The following PGM5 variants were observed in gnomAD, a reference collection of about 807,000 sequenced individuals.
PGM5 encodes the protein phosphoglucomutase-like protein 5.
In PGM5, 23 loss-of-function variants were observed where a neutral mutation model predicts 59.2. The ratio of observed to expected loss-of-function variants is 0.39; its 90% confidence interval spans 0.28 to 0.55. The LOEUF is 0.55. Among genes scored for constraint, PGM5 ranks in the 20% least tolerant of loss-of-function variants. The pLI is 0.66. For synonymous variants in PGM5, 214 were observed against 286.0 expected (o/e 0.75, Z 2.54); for missense variants, 574 against 748.3 (o/e 0.77, Z 2.72).
At chr9:68,493,640 C>T (rs983981762) in intron 9 of PGM5, among the ~76,000 whole-genome samples, 3 of 152,172 alleles carry the variant, frequency 2.0e-5, no homozygotes, top group Non-Finnish European at 4.4e-5. Flanking sequence ...ATAAGCTAGG[C>T]TGTATTATTT....
chr9:68,433,336 C>A (rs1197239132), intron 6 of PGM5, among the ~76,000 whole-genome samples: 2 of 152,186 alleles, frequency 1.3e-5, no homozygotes, highest in Non-Finnish European at 2.9e-5. Flanking sequence ...GAGCCTTTAC[C>A]TTTACAAATT....
At chr9:68,469,885 T>A (rs1823994406) in intron 7 of PGM5, among the ~76,000 whole-genome samples, 1 of 152,236 alleles carries the variant, frequency 6.6e-6, no homozygotes, top group Non-Finnish European at 1.5e-5. Context: ...TTATTAGTAG[T>A]TATCTTTTTG....
At chr9:68,439,775 C>A (rs1211532026) in intron 6 of PGM5, among the ~76,000 whole-genome samples, 1 of 150,498 alleles carries the variant, frequency 6.6e-6, no homozygotes, top group Non-Finnish European at 1.5e-5. Context: ...TAAATAAAGC[C>A]CCAACTTTAT....
At chr9:68,438,271 A>G in intron 6 of PGM5, among the ~76,000 whole-genome samples, 1 of 140,842 alleles carries the variant, frequency 7.1e-6, no homozygotes. Context: ...CCTGGGCGAC[A>G]GAGGGAGACT....
chr9:68,412,294 C>G (rs782517749), intron 6 of PGM5, among the ~76,000 whole-genome samples: 43 of 152,256 alleles, frequency 2.8e-4, no homozygotes, highest in Non-Finnish European at 3.5e-4. Context: ...TGCTGAATTG[C>G]TTATTGAAGA....
intron 6 of PGM5, among the ~76,000 whole-genome samples, chr9:68,394,665 G>A (rs1822453072): frequency 6.6e-6 from 1 of 151,482 alleles, no homozygotes; most frequent in Non-Finnish European, 1.5e-5. Context: ...CTGTTGCCCA[G>A]GCTGGAGTGC....
intron 3 of PGM5, among the ~76,000 whole-genome samples, chr9:68,385,284 G>C (rs1390151910): frequency 3.3e-5 from 5 of 152,118 alleles, no homozygotes; most frequent in African/African-American, 1.2e-4. Flanking sequence ...GCATAGAATA[G>C]CAATAGATCT....
chr9:68,427,250 G>C (rs887592925), intron 6 of PGM5, among the ~76,000 whole-genome samples: 4 of 152,182 alleles, frequency 2.6e-5, no homozygotes, highest in Non-Finnish European at 5.9e-5. Flanking sequence ...TGCAGGGAAG[G>C]CCCTTGCTAT....
chr9:68,376,819 T>TTCTTTATTTC (rs1554677764), intron 1 of PGM5, among the ~76,000 whole-genome samples: 1 of 90,704 alleles, frequency 1.1e-5, no homozygotes, highest in Admixed American at 1.2e-4. Flanking sequence ...CTTTCTTTCT[T>TTCTTTATTTC]TCTTTCTTTC....
intron 9 of PGM5, 33 bp downstream of exon 9, chr9:68,484,081 C>G: frequency 6.3e-7 from 1 of 1,591,652 alleles, no homozygotes; most frequent in East Asian, 2.2e-5. Flanking sequence ...AACGGGTTAT[C>G]AGGCAGAACC....
chr9:68,368,753 C>A (rs1258606594), intron 1 of PGM5, among the ~76,000 whole-genome samples: 24 of 152,134 alleles, frequency 1.6e-4, no homozygotes, highest in Non-Finnish European at 2.9e-4. Context: ...GTGGATCCTC[C>A]CACCTCAGCT....
At chr9:68,406,149 C>T (rs1223865868) in intron 6 of PGM5, 1 of 152,170 alleles carries the variant, frequency 6.6e-6, no homozygotes, top group Non-Finnish European at 1.5e-5. Context: ...TGCATTCAGA[C>T]TACCTGGGGT....
Position 68,486,445 on chromosome 9 carries a change from C to G in PGM5, c.1479+2397C>G, listed in dbSNP as rs1460992618. 2.0e-5 allele frequency among the ~76,000 whole-genome samples: 3 copies of G among 152,180 alleles called. No individual in the cohort carries two copies. The East Asian group carries it at 5.8e-4, about 29-fold the overall frequency. On this transcript the variant is annotated intron_variant, in intron 9 of 10. Transcript: ENST00000396396. ...CTGTCATCTTCCTCCCAACATCCCT[C>G]CAACCCACAGCCCCTGGCAACCCCT...
In PGM5 at chr9:68,393,641, T is replaced by C. The variant is rs542364010; in HGVS notation, c.1043+1168T>C. ...CATGTTCCTGTAGTCCCACACCAAA[T>C]GTTGATTAGGATAGGAAGCAACCAG... On this transcript the variant is annotated intron_variant, in intron 6 of 10. Transcript: ENST00000396396. 1.8e-3 allele frequency among the ~76,000 whole-genome samples: 277 copies of C among 152,148 alleles called. 2 individuals are homozygous for C. The highest frequency in any genetic ancestry group is 6.3e-3 in the African/African-American group (263 of 41,522).
chr9:68,425,571 A>G (rs1399373609), intron 6 of PGM5, among the ~76,000 whole-genome samples: 1 of 152,228 alleles, frequency 6.6e-6, no homozygotes, highest in Non-Finnish European at 1.5e-5. Context: ...TTTGGATCAA[A>G]TCCTATCCTA....
intron 2 of PGM5, among the ~76,000 whole-genome samples, chr9:68,382,577 A>T (rs1194915862): frequency 5.3e-5 from 8 of 151,908 alleles, no homozygotes; most frequent in Admixed American, 4.6e-4. Flanking sequence ...ATGCACTTTA[A>T]AATCTCTGGG....
rs139921375 is a variant in PGM5, at chr9:68,530,036, A to G, written c.*380A>G. On this transcript the variant is annotated 3_prime_UTR_variant, in exon 11 of 11. Transcript: ENST00000396396. ...CAAGAGAGAACAGTGCCAGAATGAA[A>G]CTGACCCTAAGTCCCAGGTGCCCCT... The G allele has an allele frequency of 3.1e-3, 530 of 168,552 alleles. 4 individuals carry two copies. The highest frequency in any genetic ancestry group is 0.012 in the African/African-American group (487 of 41,670). The allele number at this position is 168,552 out of a possible 1,614,324, so 10.4% of individuals were successfully genotyped here.
chr9:68,376,829 CTTTCTCT>C (rs1464033867), intron 1 of PGM5, among the ~76,000 whole-genome samples: 16 of 95,732 alleles, frequency 1.7e-4, no homozygotes, highest in Admixed American at 1.6e-3. Context: ...TTCTTTCTTT[CTTTCTCT>C]TTCTTTCTTT....
At chr9:68,453,953 G>C (rs782806905) in intron 6 of PGM5, among the ~76,000 whole-genome samples, 21 of 152,160 alleles carry the variant, frequency 1.4e-4, no homozygotes, top group Admixed American at 6.5e-4. Flanking sequence ...AGTCCAGGAG[G>C]GGGTGGATGA....
Sources: allele counts gnomAD v4.1 joint callset (sites outside exome capture counted in the v4.1 genomes callset), GRCh38; gene constraint gnomAD v4.1.1; transcripts MANE v1.5; gene names NCBI Gene and HGNC (gene_info 2026-07-23, HGNC 2026-07-21).